Variants in EIF4G3 observed in about 807,000 individuals in gnomAD.
EIF4G3 encodes eIF-4-gamma 3.
EIF4G3 carries 34 observed loss-of-function variants against 186.4 expected under a neutral mutation model. The ratio of observed to expected loss-of-function variants is 0.18; its 90% CI spans 0.14 to 0.24. The LOEUF (loss-of-function observed/expected upper bound fraction) is 0.24. EIF4G3 is among the 10% of genes least tolerant of loss of function. EIF4G3 has a pLI of 1.00. For missense variants in EIF4G3, 1,536 were observed against 1,948.5 expected (o/e 0.79, Z 3.99); for synonymous variants, 673 against 679.5 (o/e 0.99, Z 0.15).
intron 6 of EIF4G3, chr1:20,999,342 A>G: frequency 2.6e-6 from 1 of 384,870 alleles, no homozygotes. Context: ...TAGGAGAAGA[A>G]AACATCATAC....
chr1:20,916,662 A>G (rs2093910809), intron 14 of EIF4G3, among the ~76,000 whole-genome samples: 1 of 152,212 alleles, frequency 6.6e-6, no homozygotes, highest in African/African-American at 2.4e-5. Flanking sequence ...AACAACTTTG[A>G]AAAAGAAGAA....
chr1:20,982,396 G>A lies in EIF4G3; in HGVS notation c.190C>T (p.Pro64Ser), dbSNP rs528889659. The A allele has an allele frequency of 2.0e-6, 3 of 1,527,820 alleles. No homozygotes were observed. The African/African-American group carries it at 4.1e-5, about 21-fold the overall frequency. The allele number at this position is 1,527,820 out of a possible 1,614,324, so 94.6% of individuals were successfully genotyped here. ...AACCAGTAGTTTGTTACCTGGATAG[G>A]TCTGAATCCTCCCTTCAAATATGAA... ...RPPHHQGGFR[P>S]IQFFQRPQIQ... The change falls in exon 8 of 37, where the codon CCT becomes TCT. Residue 64 changes from proline (P) to serine (S), a missense_variant. Pro to Ser is a moderately conservative substitution (Grantham distance 74). This residue lies in a region of EIF4G3 where 194 missense variants were observed against 212.8 expected (regional missense o/e 0.91). Transcript: ENST00000602326.
chr1:21,030,001 G>A (rs2092592387), intron 4 of EIF4G3, among the ~76,000 whole-genome samples: 1 of 152,052 alleles, frequency 6.6e-6, no homozygotes, highest in African/African-American at 2.4e-5. Flanking sequence ...GACTACAGGT[G>A]TAAAACACCA....
At chr1:20,956,910 T>C (rs1466547253) in intron 12 of EIF4G3, among the ~76,000 whole-genome samples, 1 of 152,196 alleles carries the variant, frequency 6.6e-6, no homozygotes, top group Non-Finnish European at 1.5e-5. Flanking sequence ...AGCCCTGAAA[T>C]AGTTTATAAC....
intron 12 of EIF4G3, among the ~76,000 whole-genome samples, chr1:20,952,218 A>C (rs1182864476): frequency 6.7e-6 from 1 of 150,182 alleles, no homozygotes; most frequent in East Asian, 2.0e-4. Flanking sequence ...GCAGTGGCAC[A>C]ACCTTGGCTT....
intron 2 of EIF4G3, among the ~76,000 whole-genome samples, chr1:21,106,114 T>G (rs1197881718): frequency 6.9e-6 from 1 of 145,408 alleles, no homozygotes; most frequent in Non-Finnish European, 1.5e-5. Flanking sequence ...ATGCTGAGAG[T>G]AGCAATTAGA....
At chr1:21,168,076 A>T (rs1182601900) in intron 2 of EIF4G3, 1 of 470,524 alleles carries the variant, frequency 2.1e-6, no homozygotes, top group Non-Finnish European at 4.4e-6. Context: ...AAGTTCACTT[A>T]TATTTCAAGT....
chr1:20,911,562 A>C (rs2093221666), intron 14 of EIF4G3, among the ~76,000 whole-genome samples: 2 of 46,872 alleles, frequency 4.3e-5, no homozygotes, highest in Admixed American at 2.3e-4. Context: ...CCCTGCCTCA[A>C]AAAAAAAAAA....
At chr1:21,126,033 G>C (rs2102422954) in intron 2 of EIF4G3, among the ~76,000 whole-genome samples, 1 of 151,410 alleles carries the variant, frequency 6.6e-6, no homozygotes, top group Middle Eastern at 3.4e-3. Context: ...GCAAAACCGT[G>C]TCTCTACAAC....
At chr1:20,966,289 T>C (rs569164382) in intron 12 of EIF4G3, among the ~76,000 whole-genome samples, 28 of 152,358 alleles carry the variant, frequency 1.8e-4, no homozygotes, top group African/African-American at 6.5e-4. Flanking sequence ...TAACCAGATA[T>C]GATTCTGTAT....
intron 12 of EIF4G3, among the ~76,000 whole-genome samples, chr1:20,954,201 T>A (rs895659605): frequency 2.6e-5 from 4 of 152,062 alleles, no homozygotes; most frequent in African/African-American, 9.7e-5. Flanking sequence ...AATCTGTGGA[T>A]AAACAAGTAT....
At chr1:20,962,577 T>G (rs2073582397) in intron 12 of EIF4G3, among the ~76,000 whole-genome samples, 1 of 152,226 alleles carries the variant, frequency 6.6e-6, no homozygotes, top group African/African-American at 2.4e-5. Flanking sequence ...TGTTAGCACT[T>G]TTCTCTGCCT....
intron 33 of EIF4G3, among the ~76,000 whole-genome samples, chr1:20,817,950 A>G (rs1329001120): frequency 6.6e-6 from 1 of 152,134 alleles, no homozygotes; most frequent in African/African-American, 2.4e-5. Flanking sequence ...ACGGGATTAC[A>G]GGCATGACTC....
chr1:20,912,666 G>A (rs2093389965), intron 14 of EIF4G3, among the ~76,000 whole-genome samples: 1 of 152,180 alleles, frequency 6.6e-6, no homozygotes, highest in Non-Finnish European at 1.5e-5. Flanking sequence ...CTTTCAGTGA[G>A]AGTTCCCATC....
At chr1:20,816,973 T>G (rs1240576393) in intron 34 of EIF4G3, among the ~76,000 whole-genome samples, 1 of 145,886 alleles carries the variant, frequency 6.9e-6, no homozygotes, top group Non-Finnish European at 1.5e-5. Context: ...AAACACGTGC[T>G]GTGTCCACTC....
intron 2 of EIF4G3, among the ~76,000 whole-genome samples, chr1:21,102,316 A>G (rs2096542985): frequency 6.6e-6 from 1 of 152,140 alleles, no homozygotes; most frequent in African/African-American, 2.4e-5. Context: ...TTATAAAAAC[A>G]GGTAGCCAGC....
chr1:20,942,415 C>T, intron 13 of EIF4G3, 85 bp from the exon 14 acceptor site: 1 of 1,349,656 alleles, frequency 7.4e-7, no homozygotes, highest in East Asian at 2.3e-5. Flanking sequence ...AATGTCTTAC[C>T]CTAAATTACA....
At chr1:21,081,352 G>A (rs554321493) in intron 3 of EIF4G3, among the ~76,000 whole-genome samples, 121 of 152,322 alleles carry the variant, frequency 7.9e-4, no homozygotes, top group African/African-American at 2.7e-3. Flanking sequence ...AGAATCACTT[G>A]AACCTGGGAG....
intron 17 of EIF4G3, among the ~76,000 whole-genome samples, chr1:20,894,352 G>C (rs1237213581): frequency 6.6e-6 from 1 of 152,216 alleles, no homozygotes; most frequent in African/African-American, 2.4e-5. Flanking sequence ...CTGAGGTACT[G>C]AAGTAGCCTC....
Sources: allele counts gnomAD v4.1 joint callset (sites outside exome capture counted in the v4.1 genomes callset), GRCh38; gene constraint gnomAD v4.1.1; regional missense constraint gnomAD v4.1.1; transcripts MANE v1.5; gene names NCBI Gene and HGNC (gene_info 2026-07-23, HGNC 2026-07-21).